CSMD3: variants seen among roughly 807,000 people sequenced by gnomAD.
CSMD3 encodes CUB and Sushi multiple domains 3.
In CSMD3, 177 loss-of-function variants were observed where a neutral mutation model predicts 435.2. The ratio of observed to expected loss-of-function variants is 0.41; its 90% confidence interval spans 0.36 to 0.46. The LOEUF is 0.46. Among genes scored for constraint, CSMD3 ranks in the 20% least tolerant of loss-of-function variants. The probability of loss-of-function intolerance (pLI) is 0.34; values close to 1 mark genes in which losing one functional copy is unlikely to be tolerated. For missense variants in CSMD3, 4,265 were observed against 4,504.6 expected (o/e 0.95, Z 1.52); for synonymous variants, 1,656 against 1,520.5 (o/e 1.09, Z -2.07).
chr8:113,355,914 G>C (rs1405306963), intron 1 of CSMD3, among the ~76,000 whole-genome samples: 1 of 149,840 alleles, frequency 6.7e-6, no homozygotes, highest in African/African-American at 2.5e-5. Flanking sequence ...AATATTAGTT[G>C]AATCTGAGTA....
At chr8:113,372,790 C>G (rs2094354411) in intron 1 of CSMD3, among the ~76,000 whole-genome samples, 1 of 151,822 alleles carries the variant, frequency 6.6e-6, no homozygotes, top group Non-Finnish European at 1.5e-5. Context: ...AAAAATTAGC[C>G]GGGCGTGGTG....
chr8:112,684,749 C>G (rs907348153), intron 15 of CSMD3, among the ~76,000 whole-genome samples: 9 of 152,028 alleles, frequency 5.9e-5, no homozygotes, highest in African/African-American at 1.9e-4. Flanking sequence ...CAAAAACCAA[C>G]TAAACAATAA....
chr8:112,717,169 A>G (rs1273809482), intron 13 of CSMD3, among the ~76,000 whole-genome samples: 1 of 152,112 alleles, frequency 6.6e-6, no homozygotes, highest in Non-Finnish European at 1.5e-5. Flanking sequence ...CAATCTATTC[A>G]TCTGACAAAG....
chr8:112,810,180 G>A (rs2079185945), intron 12 of CSMD3, among the ~76,000 whole-genome samples: 1 of 152,112 alleles, frequency 6.6e-6, no homozygotes. Flanking sequence ...GAATAGGTAT[G>A]ATCTGCTTAT....
Position 112,247,194 on chromosome 8 carries a change from G to C in CSMD3, c.10111-63C>G. On this transcript the variant is annotated intron_variant, in intron 63 of 70. Transcript: ENST00000297405. Reference sequence around the variant, plus strand: ...ACAACTTCAAATATGGCAACAAACAGAGCTTGAGTGAGAAAATGTTATCAA... The same window carrying C: ...ACAACTTCAAATATGGCAACAAACACAGCTTGAGTGAGAAAATGTTATCAA... The C allele has an allele frequency of 4.2e-6, 4 of 943,528 alleles. No individual in the cohort carries two copies. In the Admixed American group the frequency reaches 7.4e-5, roughly 18 times the overall value. 58.4% of individuals were successfully genotyped at this position (943,528 alleles called of 1,614,324 possible).
intron 58 of CSMD3, among the ~76,000 whole-genome samples, chr8:112,284,381 G>A (rs1021674743): frequency 6.6e-6 from 1 of 151,630 alleles, no homozygotes; most frequent in Non-Finnish European, 1.5e-5. Context: ...TTGGAATAAA[G>A]AGTAAAAATA....
At chr8:112,823,379 C>G (rs1236589134) in intron 12 of CSMD3, among the ~76,000 whole-genome samples, 1 of 151,980 alleles carries the variant, frequency 6.6e-6, no homozygotes, top group Non-Finnish European at 1.5e-5. Context: ...GTTATGTGTC[C>G]AGGAATTTTT....
At chr8:112,849,409 A>T (rs955203456) in intron 11 of CSMD3, among the ~76,000 whole-genome samples, 1 of 152,046 alleles carries the variant, frequency 6.6e-6, no homozygotes, top group African/African-American at 2.4e-5. Context: ...TTTACATTAT[A>T]TGGAAGAATT....
chr8:113,388,736 C>T (rs941353032), intron 1 of CSMD3, among the ~76,000 whole-genome samples: 1 of 151,614 alleles, frequency 6.6e-6, no homozygotes, highest in African/African-American at 2.4e-5. Flanking sequence ...TACCAGCATA[C>T]ATTCCTTTAA....
intron 13 of CSMD3, among the ~76,000 whole-genome samples, chr8:112,729,620 G>A (rs926707366): frequency 1.2e-4 from 19 of 152,056 alleles, no homozygotes; most frequent in African/African-American, 4.3e-4. Context: ...AATTATCTGT[G>A]TGAGCCCTAA....
intron 2 of CSMD3, 126 bp from the exon 3 acceptor site, chr8:113,278,830 G>A: frequency 4.8e-6 from 3 of 628,754 alleles, no homozygotes; most frequent in Non-Finnish European, 5.9e-6. Context: ...CAGAAGGAAT[G>A]CTATCCAGCC....
At chr8:113,168,766 TTAAG>T (rs1356739380) in intron 4 of CSMD3, among the ~76,000 whole-genome samples, 3 of 151,990 alleles carry the variant, frequency 2.0e-5, no homozygotes, top group Non-Finnish European at 4.4e-5. Context: ...TCAGTTTTCT[TTAAG>T]TTAGTTTTAT....
intron 24 of CSMD3, among the ~76,000 whole-genome samples, chr8:112,562,507 A>G (rs1828717545): frequency 6.6e-6 from 1 of 151,548 alleles, no homozygotes; most frequent in Non-Finnish European, 1.5e-5. Context: ...AAATAAAAAA[A>G]GAAATAGATT....
At chr8:112,410,714 A>ATATATATATG (rs1563913689) in intron 32 of CSMD3, among the ~76,000 whole-genome samples, 10 of 106,384 alleles carry the variant, frequency 9.4e-5, no homozygotes, top group South Asian at 2.9e-4. Flanking sequence ...ATATATATAT[A>ATATATATATG]TGTATATATA....
chr8:112,353,283 G>T (rs1826303178), intron 38 of CSMD3, among the ~76,000 whole-genome samples: 1 of 152,000 alleles, frequency 6.6e-6, no homozygotes, highest in Non-Finnish European at 1.5e-5. Context: ...CCAGCTACTT[G>T]GGAGGCTAAG....
At chr8:112,951,798 A>G (rs1175700283) in intron 8 of CSMD3, among the ~76,000 whole-genome samples, 1 of 151,726 alleles carries the variant, frequency 6.6e-6, no homozygotes, top group East Asian at 1.9e-4. Context: ...AGAAAACACA[A>G]TCATTTATGG....
At chr8:112,700,742 T>C (rs1480106553) in intron 13 of CSMD3, among the ~76,000 whole-genome samples, 1 of 152,014 alleles carries the variant, frequency 6.6e-6, no homozygotes, top group East Asian at 1.9e-4. Context: ...TAAACTACTA[T>C]AGCAGCTCCA....
intron 13 of CSMD3, among the ~76,000 whole-genome samples, chr8:112,765,296 C>A (rs565813060): frequency 1.3e-5 from 2 of 151,426 alleles, no homozygotes; most frequent in African/African-American, 4.8e-5. Context: ...AAAAAACTAC[C>A]AATAAGAGGC....
chr8:113,350,715 A>C (rs562102720), intron 1 of CSMD3, among the ~76,000 whole-genome samples: 1 of 152,234 alleles, frequency 6.6e-6, no homozygotes, highest in Admixed American at 6.6e-5. Flanking sequence ...AAATGTAGAT[A>C]GAATCAAGTC....
Sources: gnomAD v4.1 joint callset for allele counts (sites outside exome capture counted in the v4.1 genomes callset) on GRCh38, gnomAD v4.1.1 for gene constraint, MANE v1.5 for transcripts, NCBI Gene and HGNC (gene_info 2026-07-23, HGNC 2026-07-21) for gene names.